Variants in MAP2K5 observed in about 807,000 individuals in gnomAD.
The protein encoded by MAP2K5 is mitogen-activated protein kinase kinase 5, also known as dual specificity mitogen-activated protein kinase kinase 5.
MAP2K5 carries 49 observed loss-of-function variants against 83.1 expected under a neutral mutation model. That is an observed-to-expected ratio of 0.59 (90% confidence interval 0.47 to 0.75). The LOEUF (loss-of-function observed/expected upper bound fraction) is 0.75. Ranked by LOEUF, MAP2K5 falls within the 30% of genes least tolerant of loss-of-function variation. The pLI, the probability that MAP2K5 is intolerant of heterozygous loss-of-function variation, is 0.00. For synonymous variants in MAP2K5, 202 were observed against 191.8 expected, an observed-to-expected ratio of 1.05 and a Z score of -0.44; for missense variants, 457 against 557.5, an observed-to-expected ratio of 0.82 and a Z score of 1.82.
At position 67,758,133 on chromosome 15, in the gene MAP2K5, G is replaced by A. The variant is rs575306751; in HGVS notation, c.1134+9532G>A. ...GCAAGAGGTCAACGTAGCCAGATTT[G>A]TGTTTTACACTGTGGCAGTGCTGTG... is the stretch of plus-strand genomic sequence containing the variant. On this transcript the variant is annotated intron_variant, in intron 19 of 21. Coordinates refer to ENST00000178640, the MANE Select transcript of MAP2K5 (RefSeq NM_145160.3). This position sits in a 1 kb window ranked among gnomAD's most constrained non-coding sequence, Gnocchi z 4.7. Among the ~76,000 whole-genome samples the A allele has an allele frequency of 1.3e-5, 2 of 152,298 alleles. No individual in the cohort carries two copies. Among genetic ancestry groups the A allele is most frequent in the African/African-American group, 2.4e-5 (1 of 41,550 alleles).
intron 8 of MAP2K5, among the ~76,000 whole-genome samples, chr15:67,601,060 A>T (rs1012123794): frequency 6.6e-5 from 10 of 151,862 alleles, no homozygotes; most frequent in Admixed American, 6.6e-4. Flanking sequence ...TATTATTATT[A>T]TTTTTTAACT....
intron 19 of MAP2K5, among the ~76,000 whole-genome samples, chr15:67,762,283 A>T (rs924450459): frequency 4.6e-5 from 7 of 152,136 alleles, no homozygotes; most frequent in Non-Finnish European, 8.8e-5. Flanking sequence ...GAAAAGGGAG[A>T]TGTATGTGGA....
chr15:67,714,468 C>CA (rs1372611781), intron 16 of MAP2K5, among the ~76,000 whole-genome samples: 1 of 113,460 alleles, frequency 8.8e-6, no homozygotes, highest in African/African-American at 3.4e-5. Flanking sequence ...ACCACCCTGA[C>CA]ACAGCTGTTT....
chr15:67,670,312 C>G (rs2141164599), intron 13 of MAP2K5: 2 of 425,414 alleles, frequency 4.7e-6, no homozygotes, highest in Admixed American at 2.5e-5. Flanking sequence ...GGTTGACAAA[C>G]AGTGGAGGAG....
rs1356899225 is a variant in MAP2K5, at chr15:67,652,009, C to T, written c.736+5540C>T. On this transcript the variant is annotated intron_variant, in intron 11 of 21. Coordinates refer to ENST00000178640, the MANE Select transcript of MAP2K5 (RefSeq NM_145160.3). The surrounding 1 kb of genome is among the most constrained non-coding windows in gnomAD (Gnocchi z 4.2). ...GTGTATGAAGGTTCCCCTTTCTCCA[C>T]ATCCTTGCCAGCATCTATTATTCCC... Among the ~76,000 whole-genome samples the T allele has an allele frequency of 1.3e-5, 2 of 152,216 alleles. No homozygotes were observed. The highest frequency in any genetic ancestry group is 2.9e-5 in the Non-Finnish European group (2 of 68,032).
chr15:67,626,102 A>G (rs1364618878), intron 8 of MAP2K5, among the ~76,000 whole-genome samples: 3 of 152,218 alleles, frequency 2.0e-5, no homozygotes, highest in East Asian at 1.9e-4. Flanking sequence ...ATTCGAATAT[A>G]TAATATTTTT....
chr15:67,614,422 A>G (rs2086006380), intron 8 of MAP2K5, among the ~76,000 whole-genome samples: 1 of 152,236 alleles, frequency 6.6e-6, no homozygotes, highest in Non-Finnish European at 1.5e-5. Context: ...AGCAAAGATT[A>G]GATGGTTATC....
At position 67,572,912 on chromosome 15, in the gene MAP2K5, G is replaced by A. The variant is rs532596998; in HGVS notation, c.253-7842G>A. ...CGGGTTTTCACGTATTGGCCAGGCTGGTCTCAAACTCCTGACCTTGTGATC... is the reference window on the plus strand; with the variant it reads ...CGGGTTTTCACGTATTGGCCAGGCTAGTCTCAAACTCCTGACCTTGTGATC... On this transcript the variant is annotated intron_variant, in intron 3 of 21. Coordinates refer to ENST00000178640, the MANE Select transcript of MAP2K5 (RefSeq NM_145160.3). The surrounding 1 kb of genome is among the most constrained non-coding windows in gnomAD (Gnocchi z 4.2). 1.3e-5 allele frequency among the ~76,000 whole-genome samples: 2 copies of A among 152,154 alleles called. No homozygotes were observed. The highest frequency in any genetic ancestry group is 4.2e-4 in the South Asian group (2 of 4,816).
chr15:67,728,574 A>C (rs1002706806), intron 17 of MAP2K5, among the ~76,000 whole-genome samples: 2 of 152,138 alleles, frequency 1.3e-5, no homozygotes, highest in Non-Finnish European at 1.5e-5. Context: ...ATGATTCCCC[A>C]GTTTGTGGGG....
At position 67,585,119 on chromosome 15, in the gene MAP2K5, A is replaced by G. The variant is rs1266180443; in HGVS notation, c.323-771A>G. ...AATCAAATTAATTCGTCCCCAAACA[A>G]TCAATCAAAATTGATGGCCCCTTAA... On this transcript the variant is annotated intron_variant, in intron 4 of 21. Coordinates refer to ENST00000178640, the MANE Select transcript of MAP2K5 (RefSeq NM_145160.3). Among the ~76,000 whole-genome samples, 3 of 152,134 alleles carry G rather than the reference A, an allele frequency of 2.0e-5. No individual in the cohort carries two copies. The East Asian group carries it at 5.8e-4, about 29-fold the overall frequency.
intron 19 of MAP2K5, among the ~76,000 whole-genome samples, chr15:67,763,208 G>A (rs1013388726): frequency 9.9e-5 from 15 of 151,970 alleles, no homozygotes; most frequent in African/African-American, 3.6e-4. Context: ...GTAACACACC[G>A]AGAAGTAGGT....
intron 13 of MAP2K5, among the ~76,000 whole-genome samples, chr15:67,666,450 T>C (rs558872223): frequency 6.6e-6 from 1 of 152,160 alleles, no homozygotes; most frequent in African/African-American, 2.4e-5. Context: ...TTGATAGACA[T>C]GTTTCAGATG....
intron 3 of MAP2K5, among the ~76,000 whole-genome samples, chr15:67,564,795 T>C (rs1405440605): frequency 6.6e-6 from 1 of 152,252 alleles, no homozygotes; most frequent in African/African-American, 2.4e-5. Flanking sequence ...AGATGGGTTC[T>C]AATTTTCTCA....
intron 13 of MAP2K5, among the ~76,000 whole-genome samples, chr15:67,681,146 T>C (rs2087805964): frequency 6.6e-6 from 1 of 152,224 alleles, no homozygotes; most frequent in Non-Finnish European, 1.5e-5. Context: ...CAGGCCCACT[T>C]CATTCTCTTA....
chr15:67,771,598 G>A (rs994238437), intron 20 of MAP2K5, among the ~76,000 whole-genome samples: 1 of 152,166 alleles, frequency 6.6e-6, no homozygotes, highest in Admixed American at 6.5e-5. Flanking sequence ...GTCAGATTAG[G>A]ACTGTTACCA....
Position 67,788,927 on chromosome 15 carries a change from G to T in MAP2K5, c.1242+16175G>T, listed in dbSNP as rs868141458. Among the ~76,000 whole-genome samples, 8 of 148,578 alleles carry T rather than the reference G, an allele frequency of 5.4e-5. No homozygotes were observed. The Admixed American group carries it at 5.4e-4, about 10-fold the overall frequency. The stretch of plus-strand genomic sequence containing the variant: ...GTAGAGGATGCAGTGAGCCATGATT[G>T]TACCATTGCACTCCAGCATGGGTGA... On this transcript the variant is annotated intron_variant, in intron 21 of 21. Coordinates refer to ENST00000178640, the MANE Select transcript of MAP2K5 (RefSeq NM_145160.3).
intron 17 of MAP2K5, among the ~76,000 whole-genome samples, chr15:67,744,428 T>A (rs1215817598): frequency 6.6e-6 from 1 of 152,214 alleles, no homozygotes; most frequent in Non-Finnish European, 1.5e-5. Flanking sequence ...GCAGTAAATA[T>A]GTAAAGAGAA....
intron 11 of MAP2K5, among the ~76,000 whole-genome samples, chr15:67,646,850 T>A (rs1892628051): frequency 6.6e-6 from 1 of 152,238 alleles, no homozygotes; most frequent in Admixed American, 6.5e-5. Context: ...CAATGTCCTG[T>A]GTCTTTCAGA....
Position 67,563,154 on chromosome 15 carries a change from G to C in MAP2K5, c.185-129G>C. On this transcript the variant is annotated intron_variant, in intron 2 of 21. Coordinates refer to ENST00000178640, the MANE Select transcript of MAP2K5 (RefSeq NM_145160.3). The surrounding 1 kb of genome is among the most constrained non-coding windows in gnomAD (Gnocchi z 4.5). ...GAAAACAAAACAACAAACTAATAATGTCAACATACCCCCAAAATGTGGTGT... is the reference window on the plus strand; with the variant it reads ...GAAAACAAAACAACAAACTAATAATCTCAACATACCCCCAAAATGTGGTGT... The C allele has an allele frequency of 1.0e-6, 1 of 984,874 alleles. No homozygotes were observed. Among genetic ancestry groups the C allele is most frequent in the African/African-American group, 1.6e-5 (1 of 60,826 alleles). The allele number at this position is 984,874 out of a possible 1,614,324, so 61.0% of individuals were successfully genotyped here.
Sources: gnomAD v4.1 joint callset for allele counts (sites outside exome capture counted in the v4.1 genomes callset) on GRCh38, gnomAD v4.1.1 for gene constraint, Gnocchi (gnomAD v3.1) non-coding constraint, MANE v1.5 for transcripts, NCBI Gene and HGNC (gene_info 2026-07-23, HGNC 2026-07-21) for gene names.